ARHGAP23: variants seen among roughly 807,000 people sequenced by gnomAD.
The protein encoded by ARHGAP23 is rho GTPase-activating protein 23.
ARHGAP23 carries 34 observed loss-of-function variants against 136.3 expected under a neutral mutation model. The ratio of observed to expected loss-of-function variants is 0.25; its 90% CI spans 0.19 to 0.33. The LOEUF is 0.33. Ranked by LOEUF, ARHGAP23 falls within the 10% of genes least tolerant of loss-of-function variation. The pLI, the probability that ARHGAP23 is intolerant of heterozygous loss-of-function variation, is 1.00. For missense variants in ARHGAP23, 1,808 were observed against 2,139.0 expected, an observed-to-expected ratio of 0.85 and a Z score of 3.05; for synonymous variants, 832 against 920.5, an observed-to-expected ratio of 0.90 and a Z score of 1.74.
At chr17:38,431,306 C>A (rs1017883438) in intron 1 of ARHGAP23, among the ~76,000 whole-genome samples, 6 of 152,222 alleles carry the variant, frequency 3.9e-5, no homozygotes. Context: ...TGGGCCAGGG[C>A]TCGGTTCACT....
intron 16 of ARHGAP23, among the ~76,000 whole-genome samples, chr17:38,485,066 A>G (rs1567816706): frequency 6.6e-6 from 1 of 152,158 alleles, no homozygotes; most frequent in Non-Finnish European, 1.5e-5. Flanking sequence ...TGGAGGACAG[A>G]AGGGACAACG....
In ARHGAP23 at chr17:38,479,953, G is replaced by C. The variant is rs984434907; in HGVS notation, c.2629+70G>C. 2.0e-6 allele frequency: 3 copies of C among 1,529,398 alleles called. No individual in the cohort carries two copies. The East Asian group carries it at 7.4e-5, about 38-fold the overall frequency. The allele number at this position is 1,529,398 out of a possible 1,614,324, so 94.7% of individuals were successfully genotyped here. On this transcript the variant is annotated intron_variant, in intron 14 of 23. Transcript: ENST00000622683. ...GGCATGGGGAGGGGAGGGCACGCGT[G>C]TGTGTGTTGGGCTGTGTCTGCTCAT...
chr17:38,508,505 G>A (rs569777776), intron 23 of ARHGAP23, among the ~76,000 whole-genome samples: 37 of 152,346 alleles, frequency 2.4e-4, no homozygotes, highest in African/African-American at 8.9e-4. Flanking sequence ...CCTGGTGGGT[G>A]CTGGGGCATG....
chr17:38,452,683 G>A (rs2144581567), intron 1 of ARHGAP23, among the ~76,000 whole-genome samples: 1 of 152,304 alleles, frequency 6.6e-6, no homozygotes, highest in African/African-American at 2.4e-5. Flanking sequence ...TGATATTGTT[G>A]GTGAACAGTC....
chr17:38,463,066 G>A, intron 4 of ARHGAP23, 52 bp from the exon 5 acceptor site: 3 of 1,545,592 alleles, frequency 1.9e-6, no homozygotes, highest in Admixed American at 2.0e-5. Flanking sequence ...GGGGTTCTCA[G>A]ATGGGGCCTT....
chr17:38,485,940 C>T (rs184781042), intron 16 of ARHGAP23, 122 bp from the exon 17 acceptor site: 5 of 835,984 alleles, frequency 6.0e-6, no homozygotes, highest in Non-Finnish European at 7.7e-6. Context: ...GAGTAGAGAG[C>T]TTGGTCTAAG....
intron 23 of ARHGAP23, among the ~76,000 whole-genome samples, chr17:38,507,927 C>G (rs2040670897): frequency 6.6e-6 from 1 of 152,224 alleles, no homozygotes; most frequent in African/African-American, 2.4e-5. Flanking sequence ...AAGAGGTGGT[C>G]TGTGAGGAGG....
intron 2 of ARHGAP23, among the ~76,000 whole-genome samples, chr17:38,459,172 G>T (rs2039400869): frequency 6.6e-6 from 1 of 152,160 alleles, no homozygotes; most frequent in Non-Finnish European, 1.5e-5. Context: ...CCTAGGACCG[G>T]GATCTGCCTG....
At chr17:38,453,728 C>G (rs2039246936) in intron 1 of ARHGAP23, 1 of 149,090 alleles carries the variant, frequency 6.7e-6, no homozygotes, top group African/African-American at 2.4e-5. Context: ...GGAGCCAATC[C>G]AGCCGTCCTG....
chr17:38,423,536 T>C (rs142212885), upstream of ARHGAP23, among the ~76,000 whole-genome samples: 2,284 of 152,072 alleles, frequency 0.015, 68 homozygotes, highest in African/African-American at 0.051. Flanking sequence ...CACGCCTGGC[T>C]AAGTTTTTGT....
intron 23 of ARHGAP23, among the ~76,000 whole-genome samples, chr17:38,506,260 T>A (rs897131301): frequency 6.6e-6 from 1 of 152,218 alleles, no homozygotes; most frequent in African/African-American, 2.4e-5. Context: ...GATAAAATTG[T>A]CCTTATTTTG....
chr17:38,438,752 G>C (rs2038858827), intron 1 of ARHGAP23, among the ~76,000 whole-genome samples: 1 of 152,110 alleles, frequency 6.6e-6, no homozygotes, highest in Non-Finnish European at 1.5e-5. Flanking sequence ...GGGAGGCTGA[G>C]GTGGGCGGAT....
chr17:38,426,550 C>CAAAAAAGAAAAAAAAAA (rs2038572240), upstream of ARHGAP23, among the ~76,000 whole-genome samples: 1 of 51,230 alleles, frequency 2.0e-5, no homozygotes, highest in Non-Finnish European at 3.6e-5. Context: ...AACTCCATCT[C>CAAAAAAGAAAAAAAAAA]AAAAAAAAAA....
chr17:38,490,582 G>C (rs1292690240), intron 19 of ARHGAP23, 31 bp downstream of exon 19: 1 of 1,468,460 alleles, frequency 6.8e-7, no homozygotes, highest in Non-Finnish European at 9.3e-7. Context: ...GAGTCTGGGG[G>C]AGGCAAGCAC....
chr17:38,440,734 G>A (rs1019025277), intron 1 of ARHGAP23, among the ~76,000 whole-genome samples: 11 of 152,254 alleles, frequency 7.2e-5, no homozygotes, highest in African/African-American at 2.2e-4. Flanking sequence ...GACAGGGGCC[G>A]TGGACTGGGC....
intron 1 of ARHGAP23, among the ~76,000 whole-genome samples, chr17:38,441,822 A>G (rs1467228939): frequency 5.3e-5 from 8 of 152,124 alleles, no homozygotes; most frequent in Non-Finnish European, 1.2e-4. Flanking sequence ...GCAGGCTCTG[A>G]GTCTCAGGAC....
At chr17:38,453,456 TGTGTGC>T (rs754500247) in intron 1 of ARHGAP23, among the ~76,000 whole-genome samples, 7,236 of 113,272 alleles carry the variant, frequency 0.064, 250 homozygotes, top group East Asian at 0.1. Flanking sequence ...TGTGTGTGTG[TGTGTGC>T]GCGCGCGCGC....
chr17:38,509,658 T>A (rs1429684641), intron 23 of ARHGAP23, among the ~76,000 whole-genome samples: 1 of 152,108 alleles, frequency 6.6e-6, no homozygotes, highest in African/African-American at 2.4e-5. Flanking sequence ...TCTAAAGGAT[T>A]TAGCCAGGGC....
intron 20 of ARHGAP23, among the ~76,000 whole-genome samples, chr17:38,494,763 A>G (rs1244418870): frequency 6.6e-6 from 1 of 152,232 alleles, no homozygotes; most frequent in Non-Finnish European, 1.5e-5. Context: ...TTAGAGGACC[A>G]TGATGAGAAC....
Sources: allele counts gnomAD v4.1 joint callset (sites outside exome capture counted in the v4.1 genomes callset), GRCh38; gene constraint gnomAD v4.1.1; transcripts MANE v1.5; gene names NCBI Gene and HGNC (gene_info 2026-07-23, HGNC 2026-07-21).